MRPS27: variants seen among roughly 807,000 people sequenced by gnomAD.
MRPS27 encodes the protein mitochondrial ribosomal protein S27.
Under a neutral mutation model 48.9 loss-of-function variants are expected in MRPS27, and 43 were observed. That is an observed-to-expected ratio of 0.88 (90% CI 0.69 to 1.13). The LOEUF (loss-of-function observed/expected upper bound fraction) is 1.13. Among genes scored for constraint, MRPS27 ranks in the 50% most tolerant of loss-of-function variants. The pLI is 0.00. For missense variants in MRPS27, 467 were observed against 476.3 expected (o/e 0.98, Z 0.18); for synonymous variants, 188 against 171.9 (o/e 1.09, Z -0.73).
intron 2 of MRPS27, among the ~76,000 whole-genome samples, chr5:72,301,012 A>G (rs1750112228): frequency 6.6e-6 from 1 of 152,270 alleles, no homozygotes; most frequent in African/African-American, 2.4e-5. Flanking sequence ...GAAAGAAAAA[A>G]GCAATTGGGT....
intron 1 of MRPS27, 53 bp downstream of exon 1, chr5:72,320,094 TCC>T: frequency 6.4e-7 from 1 of 1,567,896 alleles, no homozygotes; most frequent in Non-Finnish European, 8.8e-7. Context: ...AGCCCACCGC[TCC>T]CTTCACCCAA....
intron 4 of MRPS27, among the ~76,000 whole-genome samples, chr5:72,262,319 G>A (rs915263601): frequency 7.9e-5 from 12 of 152,088 alleles, no homozygotes; most frequent in African/African-American, 2.7e-4. Context: ...GAAAGGTGCT[G>A]CTGCTGCTGC....
intron 4 of MRPS27, among the ~76,000 whole-genome samples, chr5:72,269,791 C>T (rs2112015358): frequency 6.6e-6 from 1 of 152,032 alleles, no homozygotes; most frequent in South Asian, 2.1e-4. Context: ...AAAACAAAAG[C>T]ATACATTTAC....
At chr5:72,258,065 C>T (rs997563328) in intron 4 of MRPS27, among the ~76,000 whole-genome samples, 4 of 125,408 alleles carry the variant, frequency 3.2e-5, no homozygotes, top group Non-Finnish European at 4.7e-5. Context: ...GCCTGGACAA[C>T]AGAGCGAGAC....
chr5:72,264,476 T>A (rs1749061350), intron 4 of MRPS27, among the ~76,000 whole-genome samples: 1 of 152,176 alleles, frequency 6.6e-6, no homozygotes, highest in African/African-American at 2.4e-5. Context: ...TAGGTTGAAG[T>A]TCTAACCTCC....
chr5:72,272,541 G>A (rs1231158832), intron 4 of MRPS27, among the ~76,000 whole-genome samples: 2 of 152,142 alleles, frequency 1.3e-5, no homozygotes, highest in East Asian at 1.9e-4. Context: ...GTCACAATTC[G>A]ATACTGGATA....
At chr5:72,227,033 G>A (rs1198462500) in intron 8 of MRPS27, 3 of 152,276 alleles carry the variant, frequency 2.0e-5, no homozygotes, top group Non-Finnish European at 4.4e-5. Context: ...CTTATCAGGC[G>A]ACAGCTAATT....
At chr5:72,292,576 C>A (rs748270440) in intron 4 of MRPS27, among the ~76,000 whole-genome samples, 1 of 152,180 alleles carries the variant, frequency 6.6e-6, no homozygotes, top group Admixed American at 6.5e-5. Context: ...CCAGCAGCAC[C>A]CTGAGCTGCT....
intron 4 of MRPS27, among the ~76,000 whole-genome samples, chr5:72,289,957 T>C (rs1186918520): frequency 6.6e-6 from 1 of 152,170 alleles, no homozygotes; most frequent in African/African-American, 2.4e-5. Context: ...TCAGTGAAGA[T>C]GAGGACACTA....
At chr5:72,279,504 C>A (rs1749475537) in intron 4 of MRPS27, among the ~76,000 whole-genome samples, 1 of 152,084 alleles carries the variant, frequency 6.6e-6, no homozygotes, top group Non-Finnish European at 1.5e-5. Flanking sequence ...CGCCTATAAT[C>A]CTAGCCATTT....
At chr5:72,224,221 T>C (rs1221981225) in intron 9 of MRPS27, among the ~76,000 whole-genome samples, 1 of 148,102 alleles carries the variant, frequency 6.8e-6, no homozygotes, top group Non-Finnish European at 1.5e-5. Flanking sequence ...AAGCCAAGCA[T>C]GGTGGTGCAC....
Position 72,278,237 on chromosome 5 carries a change from T to C in MRPS27, c.281+17294A>G, listed in dbSNP as rs1325797701. ...GCGGGCGGATCACGAGGTCAGGAGA[T>C]TGAGACCATCCTGGCTAACATGGTG... is the stretch of plus-strand genomic sequence containing the variant. On this transcript the variant is annotated intron_variant, in intron 4 of 10. Transcript: ENST00000261413. 2.6e-5 allele frequency among the ~76,000 whole-genome samples: 4 copies of C among 151,956 alleles called. No individual in the cohort carries two copies. The East Asian group carries it at 5.8e-4, about 22-fold the overall frequency.
chr5:72,294,479 C>T (rs1385155137), intron 4 of MRPS27: 2 of 152,086 alleles, frequency 1.3e-5, no homozygotes, highest in African/African-American at 2.4e-5. Context: ...GGAACTGGAA[C>T]AAATCACAAA....
chr5:72,289,366 T>A (rs552669186), intron 4 of MRPS27, among the ~76,000 whole-genome samples: 2 of 152,312 alleles, frequency 1.3e-5, no homozygotes, highest in East Asian at 3.9e-4. Flanking sequence ...TGTATAACAA[T>A]TCAGCATTCC....
At chr5:72,237,981 GA>G (rs1748247126) in intron 5 of MRPS27, 32 bp downstream of exon 5, 1 of 1,494,838 alleles carries the variant, frequency 6.7e-7, no homozygotes, top group Non-Finnish European at 9.3e-7. Context: ...CTAAACTCAG[GA>G]AAACAGGCTG....
chr5:72,315,136 A>G (rs1750532574), intron 1 of MRPS27, among the ~76,000 whole-genome samples: 1 of 152,224 alleles, frequency 6.6e-6, no homozygotes, highest in Admixed American at 6.5e-5. Context: ...TTGAAGTACA[A>G]TCTCAGGAAA....
chr5:72,307,210 G>A (rs1457379655), intron 2 of MRPS27, among the ~76,000 whole-genome samples: 2 of 152,130 alleles, frequency 1.3e-5, no homozygotes, highest in African/African-American at 2.4e-5. Flanking sequence ...AAATTAGCCG[G>A]GCATGGTGGC....
intron 4 of MRPS27, among the ~76,000 whole-genome samples, chr5:72,285,716 A>G (rs1464823273): frequency 6.6e-6 from 1 of 152,166 alleles, no homozygotes; most frequent in East Asian, 1.9e-4. Context: ...GTAGAAACGG[A>G]GTCTCACTAT....
At chr5:72,247,134 A>G (rs1015937925) in intron 4 of MRPS27, among the ~76,000 whole-genome samples, 1 of 152,202 alleles carries the variant, frequency 6.6e-6, no homozygotes, top group Non-Finnish European at 1.5e-5. Flanking sequence ...CCAGTCAGTT[A>G]ATATAAATGC....
Sources: gnomAD v4.1 joint callset for allele counts (sites outside exome capture counted in the v4.1 genomes callset) on GRCh38, gnomAD v4.1.1 for gene constraint, MANE v1.5 for transcripts, NCBI Gene and HGNC (gene_info 2026-07-23, HGNC 2026-07-21) for gene names.